DLG2: variants seen among roughly 807,000 people sequenced by gnomAD.
DLG2 encodes disks large homolog 2.
A neutral mutation model predicts 132.5 loss-of-function variants in DLG2; 45 were observed. That is an observed-to-expected ratio of 0.34 (90% CI 0.27 to 0.44). The LOEUF (loss-of-function observed/expected upper bound fraction) is 0.44. Among genes scored for constraint, DLG2 ranks in the 20% least tolerant of loss-of-function variants. The pLI, the probability that DLG2 is intolerant of heterozygous loss-of-function variation, is 1.00. For synonymous variants in DLG2, 424 were observed against 419.6 expected, an observed-to-expected ratio of 1.01 and a Z score of -0.13; for missense variants, 1,045 against 1,196.9, an observed-to-expected ratio of 0.87 and a Z score of 1.87.
intron 4 of DLG2, among the ~76,000 whole-genome samples, chr11:85,275,522 C>T (rs956564894): frequency 1.3e-5 from 2 of 151,992 alleles, no homozygotes; most frequent in Admixed American, 6.6e-5. Context: ...AAATGTTTAA[C>T]TAATAGTGCA....
chr11:84,373,393 A>T (rs1355812429), intron 7 of DLG2, among the ~76,000 whole-genome samples: 1 of 151,964 alleles, frequency 6.6e-6, no homozygotes, highest in Non-Finnish European at 1.5e-5. Context: ...AACAAGATGA[A>T]ACCCCGTCTC....
At chr11:83,939,266 C>A (rs1455005846) in intron 14 of DLG2, among the ~76,000 whole-genome samples, 1 of 152,114 alleles carries the variant, frequency 6.6e-6, no homozygotes, top group Admixed American at 6.6e-5. Flanking sequence ...AGATGAGTGA[C>A]CTGGTCCTTA....
intron 6 of DLG2, among the ~76,000 whole-genome samples, chr11:84,855,248 T>C (rs1468368240): frequency 6.6e-6 from 1 of 152,102 alleles, no homozygotes; most frequent in Non-Finnish European, 1.5e-5. Context: ...TTATACAAGC[T>C]AGTACCTGTT....
chr11:85,456,538 A>G (rs138762107), intron 3 of DLG2, among the ~76,000 whole-genome samples: 23 of 152,144 alleles, frequency 1.5e-4, no homozygotes, highest in African/African-American at 4.8e-4. Flanking sequence ...TTGTGTCTCT[A>G]GTTTCTCAAG....
intron 6 of DLG2, among the ~76,000 whole-genome samples, chr11:84,784,761 A>G (rs189461051): frequency 3.3e-5 from 5 of 152,274 alleles, no homozygotes; most frequent in Admixed American, 2.6e-4. Context: ...ATGATCTTAT[A>G]TAAATAGAGA....
intron 7 of DLG2, among the ~76,000 whole-genome samples, chr11:84,351,276 A>G (rs1423924041): frequency 6.6e-6 from 1 of 152,136 alleles, no homozygotes; most frequent in Non-Finnish European, 1.5e-5. Context: ...CATATATTAT[A>G]TAAAAGGTGC....
chr11:85,574,701 C>A (rs1161553870), intron 3 of DLG2, among the ~76,000 whole-genome samples: 1 of 152,124 alleles, frequency 6.6e-6, no homozygotes, highest in Non-Finnish European at 1.5e-5. Context: ...CCCCTCGTCT[C>A]TTTTGCTCCC....
chr11:84,522,883 A>G (rs1439460098), intron 7 of DLG2, among the ~76,000 whole-genome samples: 3 of 152,204 alleles, frequency 2.0e-5, no homozygotes, highest in African/African-American at 4.8e-5. Flanking sequence ...AATATCTTCC[A>G]TCACTAGCCT....
chr11:84,704,520 A>G (rs1012606588), intron 6 of DLG2, among the ~76,000 whole-genome samples: 9 of 151,498 alleles, frequency 5.9e-5, no homozygotes, highest in African/African-American at 1.9e-4. Flanking sequence ...AAATATTAAT[A>G]AGCACCTACT....
chr11:84,029,064 G>T (rs867126017), intron 11 of DLG2, among the ~76,000 whole-genome samples: 67 of 152,060 alleles, frequency 4.4e-4, no homozygotes, highest in African/African-American at 1.6e-3. Context: ...TCAGGATATG[G>T]CACCTTTTCT....
intron 6 of DLG2, among the ~76,000 whole-genome samples, chr11:84,742,826 C>G (rs1317138252): frequency 6.6e-6 from 1 of 152,148 alleles, no homozygotes; most frequent in Non-Finnish European, 1.5e-5. Context: ...TACTCCAACC[C>G]CTAGGCAACC....
intron 6 of DLG2, among the ~76,000 whole-genome samples, chr11:84,867,974 C>G (rs564892764): frequency 1.3e-5 from 2 of 151,764 alleles, no homozygotes; most frequent in East Asian, 3.9e-4. Flanking sequence ...CTCGGGAGGC[C>G]GAGGCAGGAG....
chr11:84,833,657 TG>T (rs1181461516), intron 6 of DLG2, among the ~76,000 whole-genome samples: 5 of 149,830 alleles, frequency 3.3e-5, no homozygotes, highest in African/African-American at 7.3e-5. Flanking sequence ...GTGGCAGTTG[TG>T]GGGGGGTGGG....
At chr11:84,887,635 AT>A (rs910564654) in intron 6 of DLG2, among the ~76,000 whole-genome samples, 1 of 152,074 alleles carries the variant, frequency 6.6e-6, no homozygotes, top group African/African-American at 2.4e-5. Flanking sequence ...TCAAATGAGT[AT>A]TTTTCCGTCA....
chr11:83,966,937 G>C (rs1033791903), intron 12 of DLG2, among the ~76,000 whole-genome samples: 1 of 151,768 alleles, frequency 6.6e-6, no homozygotes, highest in Non-Finnish European at 1.5e-5. Flanking sequence ...CTCTATCTCT[G>C]TATATTTGAC....
chr11:83,931,505 G>T (rs2080217060), intron 14 of DLG2, among the ~76,000 whole-genome samples: 1 of 152,186 alleles, frequency 6.6e-6, no homozygotes, highest in Non-Finnish European at 1.5e-5. Context: ...TACCTCAGTA[G>T]CACCATATTC....
At chr11:84,717,775 A>G (rs1490454941) in intron 6 of DLG2, among the ~76,000 whole-genome samples, 1 of 152,100 alleles carries the variant, frequency 6.6e-6, no homozygotes, top group Non-Finnish European at 1.5e-5. Context: ...GAAAATAATT[A>G]AGGCCATATA....
chr11:85,415,018 AC>A (rs1402035511), intron 3 of DLG2, among the ~76,000 whole-genome samples: 1 of 151,162 alleles, frequency 6.6e-6, no homozygotes, highest in Non-Finnish European at 1.5e-5. Context: ...CTAGCCCCAC[AC>A]CCCCTGACAG....
At chr11:85,505,053 T>A (rs2093896471) in intron 3 of DLG2, among the ~76,000 whole-genome samples, 1 of 151,638 alleles carries the variant, frequency 6.6e-6, no homozygotes, top group South Asian at 2.1e-4. Flanking sequence ...ATGCTTGTGA[T>A]TTTTGCACAT....
Sources: allele counts gnomAD v4.1 joint callset (sites outside exome capture counted in the v4.1 genomes callset), GRCh38; gene constraint gnomAD v4.1.1; transcripts MANE v1.5; gene names NCBI Gene and HGNC (gene_info 2026-07-23, HGNC 2026-07-21).